The following AJAP1 variants were observed in gnomAD, a reference collection of about 807,000 sequenced individuals.
AJAP1 encodes adherens junctions associated protein 1.
AJAP1 carries 5 observed loss-of-function variants against 35.0 expected under a neutral mutation model. That is an observed-to-expected ratio of 0.14 (90% CI 0.07 to 0.30). The LOEUF (loss-of-function observed/expected upper bound fraction) is 0.30. Among genes scored for constraint, AJAP1 ranks in the 10% least tolerant of loss-of-function variants. The pLI is 1.00. For synonymous variants in AJAP1, 284 were observed against 249.3 expected, an observed-to-expected ratio of 1.14 and a Z score of -1.31; for missense variants, 586 against 571.0, an observed-to-expected ratio of 1.03 and a Z score of -0.27.
chr1:4,661,727 T>C (rs752908399), intron 1 of AJAP1, among the ~76,000 whole-genome samples: 2 of 152,230 alleles, frequency 1.3e-5, no homozygotes, highest in African/African-American at 4.8e-5. Flanking sequence ...CTTCATGGAT[T>C]TAGCCGTGTG....
chr1:4,714,176 G>A (rs67730516), intron 2 of AJAP1, among the ~76,000 whole-genome samples: 15,362 of 152,174 alleles, frequency 0.1, 1,571 homozygotes, highest in African/African-American at 0.26. Context: ...GGCTCCCTGC[G>A]CATGCTGAGG....
intron 2 of AJAP1, among the ~76,000 whole-genome samples, chr1:4,764,368 G>A (rs1463961985): frequency 1.3e-5 from 2 of 152,160 alleles, no homozygotes; most frequent in East Asian, 3.9e-4. Flanking sequence ...TTCCCAGGAG[G>A]TGAGCAACTG....
At chr1:4,741,078 G>T (rs1641058808) in intron 2 of AJAP1, among the ~76,000 whole-genome samples, 1 of 152,118 alleles carries the variant, frequency 6.6e-6, no homozygotes. Context: ...AGAGCAGGGA[G>T]GGGCTGGCAG....
At position 4,734,495 on chromosome 1, in the gene AJAP1, G is replaced by T. The variant is rs1640873821; in HGVS notation, c.829+21796G>T. Among the ~76,000 whole-genome samples, 1 of 152,188 alleles carries T rather than the reference G, an allele frequency of 6.6e-6. No individual in the cohort carries two copies. Among genetic ancestry groups the T allele is most frequent in the African/African-American group, 2.4e-5 (1 of 41,460 alleles). On this transcript the variant is annotated intron_variant, in intron 2 of 5. Coordinates refer to ENST00000378191, the MANE Select transcript of AJAP1 (RefSeq NM_018836.4). This position sits in a 1 kb window ranked among gnomAD's most constrained non-coding sequence, Gnocchi z 4.3. ...TTCAAACCTAGGTTCCAGGGATGGT[G>T]TGTTGACAGCCTGCACTCATCTGAC...
chr1:4,733,867 G>A (rs955863941), intron 2 of AJAP1, among the ~76,000 whole-genome samples: 1 of 152,088 alleles, frequency 6.6e-6, no homozygotes, highest in Non-Finnish European at 1.5e-5. Flanking sequence ...GAAATAGAAC[G>A]CAAAGAAGAT....
At chr1:4,755,606 G>T (rs927174996) in intron 2 of AJAP1, among the ~76,000 whole-genome samples, 2 of 152,152 alleles carry the variant, frequency 1.3e-5, no homozygotes, top group African/African-American at 4.8e-5. Flanking sequence ...TCACTGGAAG[G>T]CATGTCTTGG....
At chr1:4,764,840 T>G (rs1047863491) in intron 2 of AJAP1, among the ~76,000 whole-genome samples, 6 of 152,222 alleles carry the variant, frequency 3.9e-5, no homozygotes, top group Non-Finnish European at 7.3e-5. Context: ...GGGTTTGTTT[T>G]TGCCATGGAC....
intron 1 of AJAP1, among the ~76,000 whole-genome samples, chr1:4,698,760 T>C (rs1367967250): frequency 1.3e-5 from 2 of 152,146 alleles, no homozygotes; most frequent in Non-Finnish European, 2.9e-5. Flanking sequence ...TGGCTCTGAG[T>C]TCTGAAACTC....
chr1:4,668,433 A>T (rs74051922), intron 1 of AJAP1, among the ~76,000 whole-genome samples: 258 of 152,302 alleles, frequency 1.7e-3, no homozygotes, highest in African/African-American at 5.7e-3. Flanking sequence ...CAAGTAATAC[A>T]TGTCTGCACT....
chr1:4,695,876 G>A (rs552926305), intron 1 of AJAP1, among the ~76,000 whole-genome samples: 5 of 152,226 alleles, frequency 3.3e-5, no homozygotes, highest in East Asian at 3.9e-4. Context: ...GACCCAAGTC[G>A]GCCCCTAACA....
At chr1:4,683,959 A>G (rs957426928) in intron 1 of AJAP1, among the ~76,000 whole-genome samples, 1 of 152,140 alleles carries the variant, frequency 6.6e-6, no homozygotes, top group Non-Finnish European at 1.5e-5. Context: ...CATTCATAAG[A>G]CACAGACACA....
intron 2 of AJAP1, among the ~76,000 whole-genome samples, chr1:4,755,864 G>T (rs1641418806): frequency 6.6e-6 from 1 of 152,048 alleles, no homozygotes; most frequent in African/African-American, 2.4e-5. Context: ...GAGTAAGGGG[G>T]GTTCTGGCTG....
chr1:4,677,759 G>A (rs1203301307), intron 1 of AJAP1, among the ~76,000 whole-genome samples: 2 of 151,830 alleles, frequency 1.3e-5, no homozygotes, highest in African/African-American at 4.8e-5. Context: ...AAAAAATCAT[G>A]TGCCTATGTG....
At chr1:4,680,249 A>T (rs573098921) in intron 1 of AJAP1, among the ~76,000 whole-genome samples, 1 of 152,254 alleles carries the variant, frequency 6.6e-6, no homozygotes, top group East Asian at 1.9e-4. Context: ...ACCCTCACCC[A>T]TACACCCAGA....
At chr1:4,710,490 C>A (rs145035395) in intron 1 of AJAP1, among the ~76,000 whole-genome samples, 1 of 152,210 alleles carries the variant, frequency 6.6e-6, no homozygotes, top group African/African-American at 2.4e-5. Context: ...CTTGCCTACA[C>A]GCACACACTC....
At chr1:4,700,441 G>A in intron 1 of AJAP1, among the ~76,000 whole-genome samples, 1 of 152,084 alleles carries the variant, frequency 6.6e-6, no homozygotes, top group East Asian at 1.9e-4. Flanking sequence ...CCACCCCAGA[G>A]GATCCTCATG....
In AJAP1 at chr1:4,655,952, C is replaced by T. The variant is rs768563056; in HGVS notation, c.29+498C>T. ...CACTCCGCTCCCCCTTCTCCTTTCT[C>T]GGGGCCCCGGGGCTGAGCAGGGGCC... On this transcript the variant is annotated intron_variant, in intron 1 of 5. Coordinates refer to ENST00000378191, the MANE Select transcript of AJAP1 (RefSeq NM_018836.4). This position sits in a 1 kb window ranked among gnomAD's most constrained non-coding sequence, Gnocchi z 6.9. Among the ~76,000 whole-genome samples the T allele has an allele frequency of 7.0e-4, 106 of 152,122 alleles. No homozygotes were observed. The highest frequency in any genetic ancestry group is 1.2e-3 in the Admixed American group (19 of 15,294).
intron 2 of AJAP1, among the ~76,000 whole-genome samples, chr1:4,741,005 C>T (rs531303047): frequency 3.3e-5 from 5 of 152,052 alleles, no homozygotes; most frequent in South Asian, 2.1e-4. Flanking sequence ...AGGAGCTGTC[C>T]GACTCTGCAA....
Position 4,781,448 on chromosome 1 carries a change from G to A in AJAP1, c.*60-1097G>A, listed in dbSNP as rs557691096. 1.2e-3 allele frequency among the ~76,000 whole-genome samples: 179 copies of A among 152,324 alleles called. 1 individual carries two copies. Among genetic ancestry groups the A allele is most frequent in the African/African-American group, 4.1e-3 (169 of 41,574 alleles). On this transcript the variant is annotated intron_variant, in intron 5 of 5. Transcript: ENST00000378191. The stretch of plus-strand genomic sequence containing the variant: ...TGTATTTCTGCTAAGCTCCAACGAT[G>A]ACGATGACGGAGCCGGTCTGGCCGC...
Sources: allele counts gnomAD v4.1 joint callset (sites outside exome capture counted in the v4.1 genomes callset), GRCh38; gene constraint gnomAD v4.1.1; non-coding constraint Gnocchi (gnomAD v3.1); transcripts MANE v1.5; gene names NCBI Gene and HGNC (gene_info 2026-07-23, HGNC 2026-07-21).